Variants in BCL2L14 observed in about 807,000 individuals in gnomAD.
BCL2L14 encodes apoptosis facilitator Bcl-2-like protein 14.
A neutral mutation model predicts 35.3 loss-of-function variants in BCL2L14; 27 were observed. That is an observed-to-expected ratio of 0.76 (90% confidence interval 0.56 to 1.05). The LOEUF is 1.05. BCL2L14 is among the 50% of genes least tolerant of loss of function. The probability of loss-of-function intolerance (pLI) is 0.00; values close to 1 mark genes in which losing one functional copy is unlikely to be tolerated. For missense variants in BCL2L14, 377 were observed against 382.6 expected (o/e 0.99, Z 0.12); for synonymous variants, 139 against 145.9 (o/e 0.95, Z 0.34).
chr12:12,094,425 A>G lies in BCL2L14; in HGVS notation c.679-239A>G, dbSNP rs142455025. 1,140 of 1,212,838 alleles carry G rather than the reference A, an allele frequency of 9.4e-4. 2 individuals carry two copies. The African/African-American group carries it at 0.014, about 15-fold the overall frequency. 75.1% of individuals were successfully genotyped at this position (1,212,838 alleles called of 1,614,324 possible). A position where few individuals can be genotyped will look rare whatever the true frequency, so the allele number is the denominator to read the frequency against. ...CTCAGGAAATATTTGTTAAATGTCA[A>G]ATGAACTGACTGTTCCATTTTATAC... is the stretch of plus-strand genomic sequence containing the variant. On this transcript the variant is annotated intron_variant, in intron 4 of 5. Coordinates refer to ENST00000308721, the MANE Select transcript of BCL2L14 (RefSeq NM_138723.2).
At chr12:12,096,432 T>TGG (rs141980225) in intron 5 of BCL2L14, among the ~76,000 whole-genome samples, 628 of 57,426 alleles carry the variant, frequency 0.011, 6 homozygotes, top group Non-Finnish European at 0.018. Context: ...ACCAAGAATG[T>TGG]GAAAAAAAAA....
At chr12:12,077,298 T>G (rs1948802959) in intron 1 of BCL2L14, among the ~76,000 whole-genome samples, 1 of 151,984 alleles carries the variant, frequency 6.6e-6, no homozygotes, top group Admixed American at 6.6e-5. Context: ...TCTCAGCACT[T>G]TGGGAGGCTG....
At chr12:12,059,155 C>T (rs1256861658) in intron 2 of BCL2L14, among the ~76,000 whole-genome samples, 3 of 152,304 alleles carry the variant, frequency 2.0e-5, no homozygotes, top group Non-Finnish European at 4.4e-5. Context: ...TGCAAGGACA[C>T]CTCTCTGATT....
chr12:12,058,395 C>T (rs1258344764), intron 2 of BCL2L14, among the ~76,000 whole-genome samples: 1 of 151,860 alleles, frequency 6.6e-6, no homozygotes, highest in African/African-American at 2.4e-5. Flanking sequence ...GGATTACAGT[C>T]ATGTGCCACC....
chr12:12,071,820 A>T (rs1948674252), intron 1 of BCL2L14: 1 of 152,202 alleles, frequency 6.6e-6, no homozygotes, highest in Non-Finnish European at 1.5e-5. Context: ...AAGTTAAGGC[A>T]CTTTCTCTCA....
intron 2 of BCL2L14, among the ~76,000 whole-genome samples, chr12:12,057,602 A>G (rs914833080): frequency 1.3e-5 from 2 of 152,110 alleles, no homozygotes; most frequent in Non-Finnish European, 2.9e-5. Context: ...TACTAAAAAT[A>G]CAAAATTAGC....
chr12:12,096,063 C>T (rs1949306126), intron 5 of BCL2L14: 1 of 985,320 alleles, frequency 1.0e-6, no homozygotes, highest in South Asian at 4.7e-5. Context: ...CCCCTTGAGC[C>T]CTCATCTGCC....
At chr12:12,079,090 C>T (rs1011439499) in intron 1 of BCL2L14, among the ~76,000 whole-genome samples, 5 of 152,190 alleles carry the variant, frequency 3.3e-5, no homozygotes, top group South Asian at 2.1e-4. Context: ...CCACCGCACC[C>T]GGCAGTTCAT....
intron 2 of BCL2L14, among the ~76,000 whole-genome samples, chr12:12,061,790 A>G (rs963380989): frequency 7.9e-5 from 12 of 152,130 alleles, no homozygotes; most frequent in Non-Finnish European, 1.8e-4. Flanking sequence ...GTCAAGCCCA[A>G]ATTTCTTCCT....
chr12:12,071,559 T>C (rs1204951871), intron 1 of BCL2L14: 2 of 152,162 alleles, frequency 1.3e-5, no homozygotes, highest in Non-Finnish European at 2.9e-5. Context: ...TGGGAATTCC[T>C]GGTTTGAGAT....
At chr12:12,060,766 T>C (rs1948511455) in intron 2 of BCL2L14, among the ~76,000 whole-genome samples, 1 of 123,446 alleles carries the variant, frequency 8.1e-6, no homozygotes, top group African/African-American at 3.1e-5. Context: ...GAAATCAGAC[T>C]GTTCAACTCA....
chr12:12,082,686 G>C (rs1376156848), intron 2 of BCL2L14, among the ~76,000 whole-genome samples: 2 of 152,164 alleles, frequency 1.3e-5, no homozygotes, highest in African/African-American at 4.8e-5. Flanking sequence ...TTAATGTGCT[G>C]AATAGCTGAA....
intron 2 of BCL2L14, among the ~76,000 whole-genome samples, chr12:12,055,950 A>G (rs144025948): frequency 5.9e-5 from 9 of 151,960 alleles, no homozygotes; most frequent in African/African-American, 1.9e-4. Context: ...CCCACCCCCA[A>G]TGTCTGATCA....
At chr12:12,081,725 A>T (rs1948929217) in intron 2 of BCL2L14, among the ~76,000 whole-genome samples, 1 of 151,730 alleles carries the variant, frequency 6.6e-6, no homozygotes, top group African/African-American at 2.4e-5. Flanking sequence ...GGCCTGGCTA[A>T]TTTTTGTATT....
At chr12:12,050,065 G>A (rs530027329) in intron 1 of BCL2L14, 10 of 152,312 alleles carry the variant, frequency 6.6e-5, no homozygotes, top group African/African-American at 2.2e-4. Context: ...GAGACAATCC[G>A]TTTATCAGGC....
At chr12:12,059,426 C>T (rs1948488414) in intron 2 of BCL2L14, among the ~76,000 whole-genome samples, 2 of 151,714 alleles carry the variant, frequency 1.3e-5, no homozygotes, top group South Asian at 2.1e-4. Context: ...CTTATTTCTG[C>T]ACCCTGACCT....
chr12:12,079,370 T>G lies in BCL2L14; in HGVS notation c.65T>G (p.Ile22Arg), dbSNP rs61733245. ...IPLDDDDLNT[I>R]EFKILAYYTR... ...CTAGATGATGATGACCTAAACACCA[T>G]AGAATTCAAAATCCTCGCCTACTAC... The change falls in exon 2 of 6, where the codon ATA (isoleucine) becomes AGA (arginine). Residue 22 changes from isoleucine (I) to arginine (R), a missense_variant. Transcript: ENST00000308721. 9.9e-6 allele frequency: 16 copies of G among 1,614,042 alleles called. No homozygotes were observed. The highest frequency in any genetic ancestry group is 1.1e-5 in the Non-Finnish European group (13 of 1,180,042).
chr12:12,070,276 T>C (rs1229863400), upstream of BCL2L14, among the ~76,000 whole-genome samples: 2 of 152,192 alleles, frequency 1.3e-5, no homozygotes, highest in East Asian at 1.9e-4. Flanking sequence ...AAGAGCACGA[T>C]TTGGATCTCA....
chr12:12,087,751 A>C (rs1949079370), intron 3 of BCL2L14, among the ~76,000 whole-genome samples: 1 of 152,240 alleles, frequency 6.6e-6, no homozygotes, highest in Non-Finnish European at 1.5e-5. Flanking sequence ...TTGGAGCGTC[A>C]AGCCAGGGAT....
Sources: gnomAD v4.1 joint callset for allele counts (sites outside exome capture counted in the v4.1 genomes callset) on GRCh38, gnomAD v4.1.1 for gene constraint, MANE v1.5 for transcripts, NCBI Gene and HGNC (gene_info 2026-07-23, HGNC 2026-07-21) for gene names.